Variants in OGDHL observed in about 807,000 individuals in gnomAD.
OGDHL encodes oxoglutarate dehydrogenase L.
In OGDHL, 79 loss-of-function variants were observed where a neutral mutation model predicts 109.6. That is an observed-to-expected ratio of 0.72 (90% CI 0.60 to 0.87). The LOEUF is 0.87. Among genes scored for constraint, OGDHL ranks in the 40% least tolerant of loss-of-function variants. OGDHL has a pLI of 0.00. For missense variants in OGDHL, 1,275 were observed against 1,362.2 expected, an observed-to-expected ratio of 0.94 and a Z score of 1.01; for synonymous variants, 528 against 537.2, an observed-to-expected ratio of 0.98 and a Z score of 0.24.
chr10:49,736,250 A>C, intron 21 of OGDHL, 73 bp from the exon 22 acceptor site: 1 of 1,575,012 alleles, frequency 6.3e-7, no homozygotes, highest in Non-Finnish European at 8.6e-7. Context: ...GACAGGAGGC[A>C]CAGGGCCTCA....
intron 1 of OGDHL, among the ~76,000 whole-genome samples, chr10:49,759,506 G>A (rs371872044): frequency 7.8e-5 from 9 of 114,858 alleles, no homozygotes; most frequent in Admixed American, 1.9e-4. Context: ...TCTCTATTCC[G>A]CAGACGGTAA....
chr10:49,743,122 G>A (rs1030568344), intron 14 of OGDHL, 144 bp from the exon 15 acceptor site: 6 of 1,089,462 alleles, frequency 5.5e-6, no homozygotes, highest in South Asian at 4.9e-5. Context: ...GGAGGGCCCA[G>A]GGCCAGGCAC....
chr10:49,742,756 T>C, intron 15 of OGDHL, 72 bp downstream of exon 15: 1 of 1,529,338 alleles, frequency 6.5e-7, no homozygotes, highest in Non-Finnish European at 8.8e-7. Context: ...AAAGGCCCCC[T>C]CGGGATCCCC....
At chr10:49,762,049 C>A (rs535208500) in intron 1 of OGDHL, among the ~76,000 whole-genome samples, 190 bp downstream of exon 1, 1 of 152,184 alleles carries the variant, frequency 6.6e-6, no homozygotes, top group South Asian at 2.1e-4. Flanking sequence ...CCGGGGGAGG[C>A]CACGGCCAGC....
chr10:49,757,630 T>C (rs1273536841), intron 2 of OGDHL, among the ~76,000 whole-genome samples: 1 of 152,168 alleles, frequency 6.6e-6, no homozygotes, highest in Non-Finnish European at 1.5e-5. Context: ...TCAGCAGGAA[T>C]AGGGGTGGCA....
intron 16 of OGDHL, 140 bp from the exon 17 acceptor site, chr10:49,739,979 G>T: frequency 1.3e-6 from 1 of 796,874 alleles, no homozygotes; most frequent in Non-Finnish European, 1.9e-6. Flanking sequence ...GGGATTCCCT[G>T]GGATTCAAAG....
In OGDHL at chr10:49,758,483, G is replaced by A. The variant is rs762917480; in HGVS notation, c.110C>T (p.Pro37Leu). ...ACCTTTGCTGCTTGGGAAGGTGGCC[G>A]GTGGCCCGGAGGACCTGCTGCGCCA... is the stretch of plus-strand genomic sequence containing the variant. ...FGWRSRSSGP[P>L]ATFPSSKGGG... is the part of the protein sequence containing the mutation. The change falls in exon 2 of 23, where the codon CCG (proline) becomes CTG (leucine). Residue 37 changes from proline (P) to leucine (L), a missense_variant. Transcript: ENST00000374103. 6.6e-5 allele frequency: 107 copies of A among 1,613,786 alleles called. No individual in the cohort carries two copies. The highest frequency in any genetic ancestry group is 4.1e-4 in the South Asian group (37 of 91,082).
In OGDHL at chr10:49,735,063, T is replaced by G. The variant is rs1590664155; in HGVS notation, c.*165A>C. 1 of 801,992 alleles carries G rather than the reference T, an allele frequency of 1.2e-6. No homozygotes were observed. Among genetic ancestry groups the G allele is most frequent in the East Asian group, 2.7e-5 (1 of 37,120 alleles). 49.7% of individuals were successfully genotyped at this position (801,992 alleles called of 1,614,324 possible). On this transcript the variant is annotated 3_prime_UTR_variant, in exon 23 of 23. Coordinates refer to ENST00000374103, the MANE Select transcript of OGDHL (RefSeq NM_018245.3). The stretch of plus-strand genomic sequence containing the variant: ...CCCTCAGTCCTGGTAGATTCTGGCA[T>G]GACACCAAGGCCAGCAGTGCTGGCT...
chr10:49,758,182 C>T (rs1434309134), intron 2 of OGDHL, among the ~76,000 whole-genome samples: 2 of 152,206 alleles, frequency 1.3e-5, no homozygotes, highest in Non-Finnish European at 2.9e-5. Flanking sequence ...CAGGACATGG[C>T]CAGGGCCTCT....
chr10:49,742,546 A>T (rs2948725), intron 15 of OGDHL, among the ~76,000 whole-genome samples: 1 of 127,914 alleles, frequency 7.8e-6, no homozygotes, highest in Non-Finnish European at 1.6e-5. Flanking sequence ...CACACCACAC[A>T]CAACTCGCCC....
chr10:49,756,487 A>AT, intron 3 of OGDHL: 1 of 279,766 alleles, frequency 3.6e-6, no homozygotes, highest in Admixed American at 5.2e-5. Context: ...AGGCTTTGGA[A>AT]TTGATCCCTT....
chr10:49,754,708 G>A (rs984062026), intron 3 of OGDHL, among the ~76,000 whole-genome samples: 1 of 151,130 alleles, frequency 6.6e-6, no homozygotes, highest in South Asian at 2.1e-4. Context: ...CTATGGGATC[G>A]AGCCTCTAGA....
intron 12 of OGDHL, among the ~76,000 whole-genome samples, chr10:49,745,110 C>T (rs958552948): frequency 1.3e-5 from 2 of 152,256 alleles, no homozygotes; most frequent in Non-Finnish European, 2.9e-5. Context: ...TCCCGCACTC[C>T]TGCTCAAGGC....
intron 2 of OGDHL, among the ~76,000 whole-genome samples, chr10:49,757,844 G>A (rs1401390594): frequency 6.6e-6 from 1 of 152,206 alleles, no homozygotes. Flanking sequence ...GTCTTGGAAA[G>A]GATATAGAGG....
Position 49,756,780 on chromosome 10 carries a change from T to C in OGDHL, c.371A>G (p.Tyr124Cys), listed in dbSNP as rs1375807108. 1.2e-6 allele frequency: 2 copies of C among 1,612,330 alleles called. No individual in the cohort carries two copies. Among genetic ancestry groups the C allele is most frequent in the South Asian group, 2.2e-5 (2 of 90,662 alleles). Residue 124 changes from tyrosine to cysteine, a missense_variant, in exon 3 of 23, where the codon TAC becomes TGC. Tyr to Cys is a radical substitution (Grantham distance 194). Transcript: ENST00000374103. ...TGTGCCTCAGCTGCCCCTCACCTGG[T>C]AGGCCCGGATCAGGGACTGCACAGC... ...HLAVQSLIRA[Y>C]QIRGHHVAQL...
chr10:49,753,848 C>T (rs1330359637), intron 3 of OGDHL, among the ~76,000 whole-genome samples: 1 of 148,290 alleles, frequency 6.7e-6, no homozygotes, highest in Non-Finnish European at 1.5e-5. Flanking sequence ...TGAGGTCGCA[C>T]CACTGCGCTC....
intron 12 of OGDHL, 136 bp downstream of exon 12, chr10:49,745,208 C>T: frequency 8.7e-7 from 1 of 1,148,214 alleles, no homozygotes; most frequent in South Asian, 1.6e-5. Flanking sequence ...TAACTGGGGC[C>T]TCTTGGGGAC....
chr10:49,744,163 G>A (rs1371315179), intron 13 of OGDHL, 41 bp from the exon 14 acceptor site: 3 of 1,607,152 alleles, frequency 1.9e-6, no homozygotes, highest in Non-Finnish European at 2.5e-6. Context: ...TGTCAGTGGT[G>A]GGTTCTGATC....
At chr10:49,739,862 C>T in intron 16 of OGDHL, 23 bp from the exon 17 acceptor site, 1 of 1,604,198 alleles carries the variant, frequency 6.2e-7, no homozygotes, top group Non-Finnish European at 8.5e-7. Flanking sequence ...CAAGATAGAG[C>T]TTGCTGCACA....
Sources: allele counts gnomAD v4.1 joint callset (sites outside exome capture counted in the v4.1 genomes callset), GRCh38; gene constraint gnomAD v4.1.1; transcripts MANE v1.5; gene names NCBI Gene and HGNC (gene_info 2026-07-23, HGNC 2026-07-21).